WDR82: variants seen among roughly 807,000 people sequenced by gnomAD.
The protein encoded by WDR82 is WD repeat-containing protein 82.
WDR82 carries 8 observed loss-of-function variants against 36.1 expected under a neutral mutation model. The ratio of observed to expected loss-of-function variants is 0.22; its 90% CI spans 0.13 to 0.40. The LOEUF is 0.40. Among genes scored for constraint, WDR82 ranks in the 10% least tolerant of loss-of-function variants. The pLI, the probability that WDR82 is intolerant of heterozygous loss-of-function variation, is 1.00. For missense variants in WDR82, 185 were observed against 400.5 expected (o/e 0.46, Z 4.59); for synonymous variants, 129 against 137.8 (o/e 0.94, Z 0.45).
intron 2 of WDR82, among the ~76,000 whole-genome samples, chr3:52,269,685 G>A (rs1405508978): frequency 2.0e-5 from 3 of 152,110 alleles, no homozygotes; most frequent in East Asian, 1.9e-4. Flanking sequence ...AGCTGAGATC[G>A]CGCCACTGCA....
At position 52,255,128 on chromosome 3, in the gene WDR82, G is replaced by A. The variant is rs949336831; in HGVS notation, c.*2362C>T. The A allele has an allele frequency of 1.3e-5, 2 of 152,124 alleles. No individual in the cohort carries two copies. Among genetic ancestry groups the A allele is most frequent in the Non-Finnish European group, 2.9e-5 (2 of 68,070 alleles). 9.4% of individuals were successfully genotyped at this position (152,124 alleles called of 1,614,324 possible). On this transcript the variant is annotated 3_prime_UTR_variant, in exon 9 of 9. Transcript: ENST00000296490. ...CGGCTAATTTTGTATTTTTAGTAGA[G>A]ATGGGGTTTCTCCATGTTGGTCAGG...
rs1699988713 is a variant in WDR82, at chr3:52,254,689, C to T, written c.*2801G>A. ...ACGGGAAATAATTTCTTTAAGTACC[C>T]AGTGCAGTGTCACTGTCAAATAAAC... On this transcript the variant is annotated 3_prime_UTR_variant, in exon 9 of 9. Transcript: ENST00000296490. 7.2e-5 allele frequency: 11 copies of T among 152,416 alleles called. No individual in the cohort carries two copies. 9.4% of individuals were successfully genotyped at this position (152,416 alleles called of 1,614,324 possible).
chr3:52,273,094 G>A (rs942440735), intron 1 of WDR82, among the ~76,000 whole-genome samples: 1 of 152,150 alleles, frequency 6.6e-6, no homozygotes, highest in Admixed American at 6.6e-5. Flanking sequence ...TGCTACCAGT[G>A]GAAGAAGTTT....
At chr3:52,262,481 G>T (rs1466659273) in intron 3 of WDR82, among the ~76,000 whole-genome samples, 12 of 152,162 alleles carry the variant, frequency 7.9e-5, no homozygotes, top group African/African-American at 2.7e-4. Flanking sequence ...AAACCTAAGT[G>T]GCATCAGCAT....
chr3:52,261,561 T>A, intron 3 of WDR82, 82 bp from the exon 4 acceptor site: 1 of 1,122,932 alleles, frequency 8.9e-7, no homozygotes, highest in Non-Finnish European at 1.3e-6. Context: ...TCTGCCTATC[T>A]ATACATATAT....
At position 52,278,567 on chromosome 3, in the gene WDR82, C is replaced by T. The variant is rs1054904089; in HGVS notation, c.-206G>A. ...GGACTGTGGAGCCTCGCCGACCGTT[C>T]GTCCTCACAGCCACCTCACGGACAA... is the stretch of plus-strand genomic sequence containing the variant. On this transcript the variant is annotated 5_prime_UTR_variant, in exon 1 of 9. Coordinates refer to ENST00000296490, the MANE Select transcript of WDR82 (RefSeq NM_025222.4). 26 of 428,224 alleles carry T rather than the reference C, an allele frequency of 6.1e-5. No homozygotes were observed. The highest frequency in any genetic ancestry group is 8.3e-5 in the Non-Finnish European group (21 of 253,644). 26.5% of individuals were successfully genotyped at this position (428,224 alleles called of 1,614,324 possible). A position where few individuals can be genotyped will look rare whatever the true frequency, so the allele number is the denominator to read the frequency against.
intron 1 of WDR82, among the ~76,000 whole-genome samples, chr3:52,275,292 G>T (rs1384995021): frequency 6.6e-6 from 1 of 152,106 alleles, no homozygotes; most frequent in East Asian, 1.9e-4. Context: ...TCTGAGGTCG[G>T]TTTGACCTAT....
At position 52,265,456 on chromosome 3, in the gene WDR82, AC is replaced by A. The variant is rs570770347; in HGVS notation, c.326+1495del. On this transcript the variant is annotated intron_variant, in intron 3 of 8. Transcript: ENST00000296490. Reference sequence around the variant, plus strand: ...ATTAATTTGAATAAAAACAAGCAAAACATCTACTTATCATGAGCCATCCTTT... The same window carrying A: ...ATTAATTTGAATAAAAACAAGCAAAAATCTACTTATCATGAGCCATCCTTT... 7.2e-5 allele frequency among the ~76,000 whole-genome samples: 11 copies of A among 152,108 alleles called. 1 individual carries two copies. In the South Asian group the frequency reaches 2.3e-3, roughly 32 times the overall value.
At chr3:52,277,724 G>A (rs767322757) in intron 1 of WDR82, among the ~76,000 whole-genome samples, 63 of 152,384 alleles carry the variant, frequency 4.1e-4, no homozygotes, top group Non-Finnish European at 7.9e-4. Context: ...TGAGGGGCAG[G>A]GGATGGGCGG....
chr3:52,271,052 G>A (rs1700148781), intron 1 of WDR82, among the ~76,000 whole-genome samples: 1 of 152,002 alleles, frequency 6.6e-6, no homozygotes, highest in Admixed American at 6.6e-5. Context: ...AAGTAAATCT[G>A]GGGATTCAAT....
chr3:52,260,245 C>T (rs1700049564), intron 5 of WDR82, 140 bp downstream of exon 5: 1 of 574,728 alleles, frequency 1.7e-6, no homozygotes, highest in East Asian at 3.7e-5. Context: ...AGGAGAATCA[C>T]TTGAACCTGG....
chr3:52,261,506 T>G (rs1559453147), intron 3 of WDR82, 27 bp from the exon 4 acceptor site: 1 of 1,596,950 alleles, frequency 6.3e-7, no homozygotes, highest in East Asian at 2.3e-5. Flanking sequence ...TAAATAGGAG[T>G]TGATGCGAAA....
intron 2 of WDR82, 176 bp from the exon 3 acceptor site, chr3:52,267,194 T>C: frequency 2.2e-6 from 1 of 445,186 alleles, no homozygotes; most frequent in Non-Finnish European, 4.1e-6. Context: ...GTATGTAGAT[T>C]TCACCTAACT....
chr3:52,277,754 G>A (rs992109153), intron 1 of WDR82, among the ~76,000 whole-genome samples: 1 of 152,222 alleles, frequency 6.6e-6, no homozygotes, highest in Non-Finnish European at 1.5e-5. Context: ...GCGGAATCGA[G>A]GTCACAGTGG....
At chr3:52,261,704 C>T (rs1330806211) in intron 3 of WDR82, among the ~76,000 whole-genome samples, 1 of 151,706 alleles carries the variant, frequency 6.6e-6, no homozygotes, top group African/African-American at 2.4e-5. Flanking sequence ...TATATGATTC[C>T]AATGCAAATC....
chr3:52,261,350 T>G, intron 4 of WDR82, 30 bp downstream of exon 4: 2 of 1,591,784 alleles, frequency 1.3e-6, no homozygotes, highest in Non-Finnish European at 1.7e-6. Context: ...AAGAAAATGC[T>G]CAAAAAGTAT....
chr3:52,277,516 G>T (rs1373685727), intron 1 of WDR82, among the ~76,000 whole-genome samples: 1 of 152,224 alleles, frequency 6.6e-6, no homozygotes, highest in Non-Finnish European at 1.5e-5. Context: ...GACCAAGTTC[G>T]TTTGTGTGTG....
rs1317201019 is a variant in WDR82 at position 52,262,410 on chromosome 3, A to T, written c.327-931T>A. Among the ~76,000 whole-genome samples the T allele has an allele frequency of 3.3e-5, 5 of 152,220 alleles. No homozygotes were observed. In the South Asian group the frequency reaches 6.2e-4, roughly 19 times the overall value. Reference sequence around the variant, plus strand: ...ACAGTATGTAGACTGTATCTCAATTAAAAAAACACAAAAAAGCATGATTCC... The same window carrying T: ...ACAGTATGTAGACTGTATCTCAATTTAAAAAACACAAAAAAGCATGATTCC... On this transcript the variant is annotated intron_variant, in intron 3 of 8. Transcript: ENST00000296490.
intron 3 of WDR82, among the ~76,000 whole-genome samples, chr3:52,263,834 T>G (rs1207189327): frequency 1.4e-4 from 21 of 152,114 alleles, no homozygotes; most frequent in Admixed American, 9.2e-4. Context: ...AGAAAGAGTA[T>G]TGGACAGAAG....
Sources: allele counts gnomAD v4.1 joint callset (sites outside exome capture counted in the v4.1 genomes callset), GRCh38; gene constraint gnomAD v4.1.1; transcripts MANE v1.5; gene names NCBI Gene and HGNC (gene_info 2026-07-23, HGNC 2026-07-21).